The following SVEP1 variants were observed in gnomAD, a reference collection of about 807,000 sequenced individuals.
The protein encoded by SVEP1 is sushi, von Willebrand factor type A, EGF and pentraxin domain containing 1, also known as sushi, von Willebrand factor type A, EGF and pentraxin domain-containing protein 1.
In SVEP1, 164 loss-of-function variants were observed where a neutral mutation model predicts 367.3. The ratio of observed to expected loss-of-function variants is 0.45; its 90% CI spans 0.39 to 0.51. SVEP1 has a LOEUF of 0.51. SVEP1 is among the 20% of genes least tolerant of loss of function. SVEP1 has a pLI of 0.00. For missense variants in SVEP1, 4,117 were observed against 4,425.3 expected (o/e 0.93, Z 1.98); for synonymous variants, 1,666 against 1,611.6 (o/e 1.03, Z -0.81).
At chr9:110,393,552 AAT>A (rs1827702426) in intron 40 of SVEP1, among the ~76,000 whole-genome samples, 1 of 152,186 alleles carries the variant, frequency 6.6e-6, no homozygotes, top group African/African-American at 2.4e-5. Context: ...GCCAAAGCAG[AAT>A]GAGGCATCGC....
At chr9:110,472,449 A>T (rs1055314127) in intron 14 of SVEP1, 126 bp from the exon 15 acceptor site, 46 of 863,546 alleles carry the variant, frequency 5.3e-5, no homozygotes, top group Non-Finnish European at 6.9e-5. Flanking sequence ...AACATACTGC[A>T]TACAGGGTTT....
At chr9:110,376,569 C>T (rs1248761983) in intron 45 of SVEP1, among the ~76,000 whole-genome samples, 1 of 152,246 alleles carries the variant, frequency 6.6e-6, no homozygotes, top group East Asian at 1.9e-4. Context: ...AATTCCTGCC[C>T]TGTAGGAAAA....
chr9:110,384,866 C>A (rs539970185), intron 43 of SVEP1, among the ~76,000 whole-genome samples: 1 of 152,186 alleles, frequency 6.6e-6, no homozygotes. Flanking sequence ...CACTATGCAG[C>A]CTTGTGCCTT....
At chr9:110,507,859 T>C (rs1053119732) in intron 5 of SVEP1, among the ~76,000 whole-genome samples, 3 of 152,206 alleles carry the variant, frequency 2.0e-5, no homozygotes, top group African/African-American at 7.2e-5. Context: ...ACTGCCAAGA[T>C]GACTCCAGCT....
At position 110,400,951 on chromosome 9, in the gene SVEP1, C is replaced by T. The variant is rs1403254191; in HGVS notation, c.9725G>A (p.Gly3242Glu). 2 of 1,613,858 alleles carry T rather than the reference C, an allele frequency of 1.2e-6. No homozygotes were observed. Among genetic ancestry groups the T allele is most frequent in the Non-Finnish European group, 1.7e-6 (2 of 1,179,842 alleles). ...TCCATGTTCTGGACTTTCAGGTTTC[C>T]CACAAGAAACTGGACTGCAAGATTC... ...SDESCSPVSCGKPESPEHGFV... is the reference protein window; with the variant it reads ...SDESCSPVSCEKPESPEHGFV... Residue 3242 changes from glycine (G) to glutamate (E), a missense_variant, in exon 40 of 48, where the codon GGG becomes GAG. This residue lies in a region of SVEP1 where 1,765 missense variants were observed against 1,781.1 expected (regional missense o/e 0.99). Transcript: ENST00000374469.
intron 36 of SVEP1, among the ~76,000 whole-genome samples, chr9:110,419,107 A>C (rs1226751173): frequency 3.3e-4 from 5 of 15,292 alleles, no homozygotes; most frequent in African/African-American, 1.2e-3. Flanking sequence ...TCAAATTCAC[A>C]CATAACAATA....
At chr9:110,377,522 G>A (rs1487064453) in intron 44 of SVEP1, among the ~76,000 whole-genome samples, 156 bp from the exon 45 acceptor site, 1 of 152,164 alleles carries the variant, frequency 6.6e-6, no homozygotes, top group African/African-American at 2.4e-5. Context: ...TTCAGTATGT[G>A]GAGAAGTACA....
rs79922245 is a variant in SVEP1 at position 110,533,123 on chromosome 9, G to A, written c.964+12992C>T. Among the ~76,000 whole-genome samples the A allele has an allele frequency of 2.7e-4, 41 of 152,156 alleles. No homozygotes were observed. The East Asian group carries it at 3.9e-3, about 14-fold the overall frequency. Reference sequence around the variant, plus strand: ...ATCTGACAGGAGGCAGAGCTCAGGCGGTAAGGCTTGCTCACCTGCCGCTCA... The same window carrying A: ...ATCTGACAGGAGGCAGAGCTCAGGCAGTAAGGCTTGCTCACCTGCCGCTCA... On this transcript the variant is annotated intron_variant, in intron 3 of 47. Coordinates refer to ENST00000374469, the MANE Select transcript of SVEP1 (RefSeq NM_153366.4).
intron 47 of SVEP1, among the ~76,000 whole-genome samples, chr9:110,366,852 G>A (rs1389997645): frequency 6.6e-6 from 1 of 152,118 alleles, no homozygotes; most frequent in Non-Finnish European, 1.5e-5. Context: ...GAGGGGTTTG[G>A]AGCTAATGAA....
At chr9:110,514,992 GA>G (rs1477174523) in intron 3 of SVEP1, among the ~76,000 whole-genome samples, 2 of 151,684 alleles carry the variant, frequency 1.3e-5, no homozygotes, top group African/African-American at 2.4e-5. Flanking sequence ...GCCCTTTGAA[GA>G]AAAAAGAATT....
At chr9:110,513,195 T>C in intron 4 of SVEP1, 90 bp from the exon 5 acceptor site, 1 of 1,220,092 alleles carries the variant, frequency 8.2e-7, no homozygotes, top group Non-Finnish European at 1.1e-6. Context: ...GGGGCATTTA[T>C]GCATATGTGT....
At chr9:110,552,795 G>A (rs1237508910) in intron 1 of SVEP1, among the ~76,000 whole-genome samples, 2 of 152,178 alleles carry the variant, frequency 1.3e-5, no homozygotes, top group Non-Finnish European at 2.9e-5. Context: ...CACGGCCTGG[G>A]TACTGGGGCC....
chr9:110,530,331 T>C (rs1027540065), intron 3 of SVEP1, among the ~76,000 whole-genome samples: 1 of 152,140 alleles, frequency 6.6e-6, no homozygotes, highest in Non-Finnish European at 1.5e-5. Context: ...ATTTTGGAAA[T>C]TGGTATATCC....
intron 24 of SVEP1, among the ~76,000 whole-genome samples, chr9:110,448,641 T>A (rs892532967): frequency 6.6e-6 from 1 of 152,232 alleles, no homozygotes; most frequent in African/African-American, 2.4e-5. Context: ...CTATGTTCCT[T>A]CTGAATTGGG....
intron 3 of SVEP1, among the ~76,000 whole-genome samples, chr9:110,545,100 C>CT (rs1452533485): frequency 1.3e-5 from 2 of 152,166 alleles, no homozygotes; most frequent in African/African-American, 4.8e-5. Context: ...GGATTTCATT[C>CT]TTTTTTTATG....
rs1417020687 is a variant in SVEP1, at chr9:110,411,575, A to G, written c.6136T>C (p.Tyr2046His). The G allele has an allele frequency of 6.2e-7, 1 of 1,614,022 alleles. No homozygotes were observed. The highest frequency in any genetic ancestry group is 2.2e-5 in the East Asian group (1 of 44,878). ...GCTAGGCTGTAACCATCAGAGCAGT[A>G]GTAGAATGCAATGTCTCCAAAGAGC... ...HRLFGDIAFY[Y>H]CSDGYSLADN... Residue 2046 changes from tyrosine to histidine, a missense_variant, in exon 37 of 48, where the codon TAC becomes CAC. Physicochemically the swap from Tyr to His is moderately conservative, Grantham distance 83 (BLOSUM62 2). Around this residue, in one of 4 missense-constraint regions of SVEP1, gnomAD observed 2,174 missense variants for 2,494.3 expected, o/e 0.87. Coordinates refer to ENST00000374469, the MANE Select transcript of SVEP1 (RefSeq NM_153366.4).
intron 43 of SVEP1, among the ~76,000 whole-genome samples, chr9:110,384,548 G>A (rs1827490881): frequency 6.6e-6 from 1 of 150,760 alleles, no homozygotes; most frequent in Non-Finnish European, 1.5e-5. Context: ...GACTTGGGCT[G>A]TTGTGTATAT....
chr9:110,522,010 G>T (rs1004536340), intron 3 of SVEP1, among the ~76,000 whole-genome samples: 4 of 151,996 alleles, frequency 2.6e-5, no homozygotes, highest in Non-Finnish European at 4.4e-5. Context: ...TTAGGCAAAG[G>T]AATATTAAAT....
At position 110,446,026 on chromosome 9, in the gene SVEP1, C is replaced by T; in HGVS notation, c.4274G>A (p.Gly1425Asp). ...GKRCETEQSTGFNLDFEVSGI... is the reference protein window; with the variant it reads ...GKRCETEQSTDFNLDFEVSGI... ...AGAAACTTCAAAATCCAGGTTAAAGCCTGTAGACTGTTCTGCAATGAATAA... is the reference window on the plus strand; with the variant it reads ...AGAAACTTCAAAATCCAGGTTAAAGTCTGTAGACTGTTCTGCAATGAATAA... Residue 1425 changes from glycine to aspartate, a missense_variant, in exon 26 of 48, where the codon GGC (glycine) becomes GAC (aspartate). Gly to Asp is a moderately conservative substitution (Grantham distance 94). Transcript: ENST00000374469. 6 of 1,610,832 alleles carry T rather than the reference C, an allele frequency of 3.7e-6. No homozygotes were observed. The highest frequency in any genetic ancestry group is 2.2e-5 in the East Asian group (1 of 44,810).
Sources: allele counts gnomAD v4.1 joint callset (sites outside exome capture counted in the v4.1 genomes callset), GRCh38; gene constraint gnomAD v4.1.1; regional missense constraint gnomAD v4.1.1; transcripts MANE v1.5; gene names NCBI Gene and HGNC (gene_info 2026-07-23, HGNC 2026-07-21).